CCDC88A: variants seen among roughly 807,000 people sequenced by gnomAD.
CCDC88A encodes coiled-coil and HOOK domain protein 88A.
Under a neutral mutation model 234.3 loss-of-function variants are expected in CCDC88A, and 54 were observed. The observed-to-expected ratio is 0.23, with a 90% confidence interval of 0.19 to 0.29. The LOEUF (loss-of-function observed/expected upper bound fraction) is 0.29, where lower values mean the gene tolerates loss of function less well. Ranked by LOEUF, CCDC88A falls within the 10% of genes least tolerant of loss-of-function variation. The pLI, the probability that CCDC88A is intolerant of heterozygous loss-of-function variation, is 1.00. For missense variants in CCDC88A, 1,832 were observed against 2,123.4 expected (o/e 0.86, Z 2.70); for synonymous variants, 753 against 737.8 (o/e 1.02, Z -0.33).
chr2:55,296,579 C>A (rs1330589455), intron 29 of CCDC88A, 56 bp from the exon 30 acceptor site: 2 of 1,505,122 alleles, frequency 1.3e-6, no homozygotes, highest in Non-Finnish European at 1.8e-6. Flanking sequence ...ATTAATACTT[C>A]ATGAGTAATA....
chr2:55,294,620 G>A, intron 31 of CCDC88A: 2 of 984,912 alleles, frequency 2.0e-6, no homozygotes, highest in Non-Finnish European at 2.4e-6. Flanking sequence ...AGAAAAAAAG[G>A]AGTGACAGTC....
intron 2 of CCDC88A, among the ~76,000 whole-genome samples, chr2:55,398,056 A>G (rs1677921373): frequency 6.6e-6 from 1 of 152,212 alleles, no homozygotes; most frequent in African/African-American, 2.4e-5. Flanking sequence ...AAGTACTTCA[A>G]CACCTAAAAT....
In CCDC88A at chr2:55,303,106, A is replaced by C; in HGVS notation, c.4434T>G (p.Asp1478Glu). ...GGTAGCAGGCCTTCATTTTGTCTTT[A>C]TCCTTCGGTCTGTTCCTCAAAAAGG... ...RLPFLRNRPKDKDKMKACYRR... is the reference protein window; with the variant it reads ...RLPFLRNRPKEKDKMKACYRR... Residue 1478 changes from aspartate (D) to glutamate (E), a missense_variant, in exon 26 of 33, where the codon GAT becomes GAG. By Grantham distance (45) the Asp-to-Glu change is conservative. This residue lies in a region of CCDC88A where 1,282 missense variants were observed against 1,543.6 expected (regional missense o/e 0.83). Transcript: ENST00000436346. 1 of 1,551,804 alleles carries C rather than the reference A, an allele frequency of 6.4e-7. No individual in the cohort carries two copies. Among genetic ancestry groups the C allele is most frequent in the Non-Finnish European group, 8.7e-7 (1 of 1,146,846 alleles).
chr2:55,308,149 G>A (rs924824682), intron 25 of CCDC88A: 8 of 152,224 alleles, frequency 5.3e-5, no homozygotes, highest in African/African-American at 1.9e-4. Context: ...TGGTCATGCT[G>A]GTCTCAAACT....
intron 7 of CCDC88A, among the ~76,000 whole-genome samples, chr2:55,360,791 C>T (rs1042063348): frequency 3.9e-5 from 6 of 152,080 alleles, no homozygotes; most frequent in African/African-American, 1.4e-4. Context: ...ATCAGTCATA[C>T]AAAACCAAAG....
intron 17 of CCDC88A, among the ~76,000 whole-genome samples, chr2:55,327,030 T>C (rs1684352701): frequency 6.6e-6 from 1 of 152,234 alleles, no homozygotes; most frequent in African/African-American, 2.4e-5. Context: ...CAGGTTAATG[T>C]GTTTTTTTTG....
At chr2:55,319,938 T>C (rs1288910364) in intron 18 of CCDC88A, among the ~76,000 whole-genome samples, 1 of 151,848 alleles carries the variant, frequency 6.6e-6, no homozygotes, top group Non-Finnish European at 1.5e-5. Flanking sequence ...AGATCACTCT[T>C]ATCATATCTA....
chr2:55,414,643 C>A (rs1163302423), intron 2 of CCDC88A, among the ~76,000 whole-genome samples: 1 of 152,180 alleles, frequency 6.6e-6, no homozygotes, highest in Non-Finnish European at 1.5e-5. Context: ...GAGGCAGAGT[C>A]AGTAAACAGT....
chr2:55,327,586 C>T (rs1002429194), intron 17 of CCDC88A, among the ~76,000 whole-genome samples: 1 of 152,152 alleles, frequency 6.6e-6, no homozygotes. Context: ...CTGAGTACAG[C>T]GATTCTAAAT....
intron 8 of CCDC88A, chr2:55,355,378 G>C (rs181647576): frequency 1.4e-4 from 72 of 513,272 alleles, no homozygotes; most frequent in African/African-American, 1.2e-3. Context: ...TGCTAGAAAG[G>C]CCATAAATCC....
In CCDC88A at chr2:55,290,394, A is replaced by G. The variant is rs1679366662; in HGVS notation, c.*806T>C. The G allele has an allele frequency of 6.6e-6, 1 of 152,104 alleles. No individual in the cohort carries two copies. The highest frequency in any genetic ancestry group is 6.6e-5 in the Admixed American group (1 of 15,264). The allele number at this position is 152,104 out of a possible 1,614,324, so 9.4% of individuals were successfully genotyped here. On this transcript the variant is annotated 3_prime_UTR_variant, in exon 33 of 33. Coordinates refer to ENST00000436346, the MANE Select transcript of CCDC88A (RefSeq NM_001365480.1). The stretch of plus-strand genomic sequence containing the variant: ...ATACCAAAGAAAAGAAATGAGTTAA[A>G]GCACAACAGCTTTATCTTGGGAATG...
intron 17 of CCDC88A, among the ~76,000 whole-genome samples, chr2:55,325,632 T>C (rs1684165197): frequency 6.6e-6 from 1 of 152,224 alleles, no homozygotes; most frequent in African/African-American, 2.4e-5. Flanking sequence ...GATTAGTCTA[T>C]AGGCTGTTTA....
intron 2 of CCDC88A, among the ~76,000 whole-genome samples, chr2:55,402,736 G>A (rs562145022): frequency 6.6e-5 from 10 of 150,726 alleles, no homozygotes; most frequent in East Asian, 1.9e-4. Context: ...CCGGCCAGGC[G>A]TGGTGGCTCA....
Position 55,388,820 on chromosome 2 carries a change from G to C in CCDC88A, c.231C>G (p.His77Gln). The C allele has an allele frequency of 6.5e-7, 1 of 1,538,818 alleles. No homozygotes were observed. Among genetic ancestry groups the C allele is most frequent in the African/African-American group, 1.4e-5 (1 of 72,418 alleles). ...KVNNDASLRM[H>Q]NLSILVRQIK... ...TCTGTCTCACCAAAATGGATAGATTGTGCATTCTAAGTGAGGCATCATTAT... is the reference window on the plus strand; with the variant it reads ...TCTGTCTCACCAAAATGGATAGATTCTGCATTCTAAGTGAGGCATCATTAT... Residue 77 changes from histidine (H) to glutamine (Q), a missense_variant, in exon 3 of 33, where the codon CAC (histidine) becomes CAG (glutamine). Physicochemically the swap from His to Gln is conservative, Grantham distance 24. This residue lies in a region of CCDC88A where 84 missense variants were observed against 80.9 expected (regional missense o/e 1.04). Coordinates refer to ENST00000436346, the MANE Select transcript of CCDC88A (RefSeq NM_001365480.1).
At chr2:55,416,348 T>C (rs1681381788) in intron 2 of CCDC88A, among the ~76,000 whole-genome samples, 1 of 145,540 alleles carries the variant, frequency 6.9e-6, no homozygotes, top group African/African-American at 2.5e-5. Context: ...AAAATTGAAT[T>C]AAACATCAGT....
chr2:55,339,435 A>G lies in CCDC88A; in HGVS notation c.1518+29T>C, dbSNP rs1011285388. On this transcript the variant is annotated intron_variant, in intron 13 of 32. Coordinates refer to ENST00000436346, the MANE Select transcript of CCDC88A (RefSeq NM_001365480.1). The stretch of plus-strand genomic sequence containing the variant: ...TTACACTTTTACAAGTTTTTTTAAC[A>G]TTAAAATAAACACTACATTTTAATT... The G allele has an allele frequency of 3.5e-6, 5 of 1,438,874 alleles. No individual in the cohort carries two copies. In the African/African-American group the frequency reaches 5.8e-5, roughly 17 times the overall value. 89.1% of individuals were successfully genotyped at this position (1,438,874 alleles called of 1,614,324 possible). A position where few individuals can be genotyped will look rare whatever the true frequency, so the allele number is the denominator to read the frequency against.
intron 3 of CCDC88A, among the ~76,000 whole-genome samples, chr2:55,383,852 TATA>T (rs1445454146): frequency 6.6e-6 from 1 of 152,118 alleles, no homozygotes; most frequent in African/African-American, 2.4e-5. Flanking sequence ...CCCTCTCTAA[TATA>T]ATAAGAACAA....
intron 3 of CCDC88A, among the ~76,000 whole-genome samples, chr2:55,378,633 GA>G (rs1029417386): frequency 1.3e-4 from 19 of 151,890 alleles, no homozygotes; most frequent in African/African-American, 4.6e-4. Context: ...ACATTAGGTT[GA>G]AAAAAGGCAG....
chr2:55,362,022 T>G, intron 7 of CCDC88A: 1 of 234,938 alleles, frequency 4.3e-6, no homozygotes. Flanking sequence ...TTTCACACTT[T>G]TGTATTGTTG....
Sources: allele counts gnomAD v4.1 joint callset (sites outside exome capture counted in the v4.1 genomes callset), GRCh38; gene constraint gnomAD v4.1.1; regional missense constraint gnomAD v4.1.1; transcripts MANE v1.5; gene names NCBI Gene and HGNC (gene_info 2026-07-23, HGNC 2026-07-21).